POTED: variants seen among roughly 807,000 people sequenced by gnomAD.
POTED encodes the protein POTE ankyrin domain family member D.
POTED carries 7 observed loss-of-function variants against 19.0 expected under a neutral mutation model. That is an observed-to-expected ratio of 0.37 (90% CI 0.21 to 0.69). The LOEUF is 0.69. Among genes scored for constraint, POTED ranks in the 30% least tolerant of loss-of-function variants. POTED has a pLI of 0.56. For synonymous variants in POTED, 16 were observed against 92.0 expected, an observed-to-expected ratio of 0.17 and a Z score of 4.73; for missense variants, 54 against 278.5, an observed-to-expected ratio of 0.19 and a Z score of 5.74.
intron 10 of POTED, among the ~76,000 whole-genome samples, chr21:13,640,582 C>A (rs2123224515): frequency 1.3e-5 from 1 of 75,092 alleles, no homozygotes; most frequent in Admixed American, 1.2e-4. Context: ...TGGAGTCTTG[C>A]ACTGTCACCC....
rs534623799 is a variant in POTED at position 13,637,086 on chromosome 21, G to A, written c.1410-2429G>A. Among the ~76,000 whole-genome samples, 2 of 62,700 alleles carry A rather than the reference G, an allele frequency of 3.2e-5. 1 individual carries two copies. Among genetic ancestry groups the A allele is most frequent in the Non-Finnish European group, 5.2e-5 (2 of 38,156 alleles). The allele number at this position is 62,700 out of a possible 152,430, so 41.1% of individuals were successfully genotyped here. A position where few individuals can be genotyped will look rare whatever the true frequency, so the allele number is the denominator to read the frequency against. On this transcript the variant is annotated intron_variant, in intron 9 of 10. Coordinates refer to ENST00000299443, the MANE Select transcript of POTED (RefSeq NM_174981.6). The stretch of plus-strand genomic sequence containing the variant: ...TATCTTTGCATATGTGAATTGTGCT[G>A]CAGTAAACATATGTATATAGGTGTC...
chr21:13,645,105 C>A lies in POTED; in HGVS notation c.*3539C>A, dbSNP rs8131522. On this transcript the variant is annotated 3_prime_UTR_variant, in exon 11 of 11. Transcript: ENST00000299443. ...GAGATATATGGGATTATATAAACGA[C>A]CAAATCTATGACTGATTAATGTACC... Among the ~76,000 whole-genome samples the A allele has an allele frequency of 2.3e-5, 3 of 127,778 alleles. No individual in the cohort carries two copies. The highest frequency in any genetic ancestry group is 2.2e-4 in the Admixed American group (3 of 13,390). The allele number at this position is 127,778 out of a possible 152,430, so 83.8% of individuals were successfully genotyped here.
In POTED at chr21:13,637,004, A is replaced by T. The variant is rs868401681; in HGVS notation, c.1410-2511A>T. Among the ~76,000 whole-genome samples the T allele has an allele frequency of 3.6e-4, 6 of 16,460 alleles. 1 individual carries two copies. The highest frequency in any genetic ancestry group is 1.5e-3 in the Admixed American group (2 of 1,348). 10.8% of individuals were successfully genotyped at this position (16,460 alleles called of 152,430 possible). A position where few individuals can be genotyped will look rare whatever the true frequency, so the allele number is the denominator to read the frequency against. ...TACCCAGTCTCAGGTATATATATAT[A>T]TTTTTTTTTTTTTTTCTTTATTCCA... On this transcript the variant is annotated intron_variant, in intron 9 of 10. Coordinates refer to ENST00000299443, the MANE Select transcript of POTED (RefSeq NM_174981.6).
intron 9 of POTED, among the ~76,000 whole-genome samples, chr21:13,637,006 T>A (rs35147763): frequency 0.11 from 1,134 of 9,972 alleles, 427 homozygotes; most frequent in East Asian, 0.33. Flanking sequence ...ATATATATAT[T>A]TTTTTTTTTT....
In POTED at chr21:13,634,498, A is replaced by G. The variant is rs1199333321; in HGVS notation, c.1409+3391A>G. 2.4e-5 allele frequency among the ~76,000 whole-genome samples: 2 copies of G among 81,690 alleles called. 1 individual carries two copies. The highest frequency in any genetic ancestry group is 4.3e-5 in the Non-Finnish European group (2 of 46,212). 53.6% of individuals were successfully genotyped at this position (81,690 alleles called of 152,430 possible). A position where few individuals can be genotyped will look rare whatever the true frequency, so the allele number is the denominator to read the frequency against. ...TTATCTCCCTTGCTCTGCTTCAGCC[A>G]CACTGAATTCTTGCCATCCCTTATC... On this transcript the variant is annotated intron_variant, in intron 9 of 10. Transcript: ENST00000299443.
At position 13,609,977 on chromosome 21, in the gene POTED, C is replaced by T. The variant is rs182475766; in HGVS notation, c.-252C>T. 3.3e-6 allele frequency: 1 copy of T among 306,382 alleles called. No homozygotes were observed. The highest frequency in any genetic ancestry group is 5.0e-6 in the Non-Finnish European group (1 of 198,930). The allele number at this position is 306,382 out of a possible 1,614,324, so 19.0% of individuals were successfully genotyped here. On this transcript the variant is annotated 5_prime_UTR_variant, in exon 1 of 11. Coordinates refer to ENST00000299443, the MANE Select transcript of POTED (RefSeq NM_174981.6). The stretch of plus-strand genomic sequence containing the variant: ...CCTTGACTGGGCTGGGTGTTTCCTT[C>T]GGAGGGGGGGCTTGGCCTTTCCTGG...
intron 9 of POTED, among the ~76,000 whole-genome samples, chr21:13,636,790 C>G (rs1293091166): frequency 3.1e-5 from 2 of 64,432 alleles, no homozygotes; most frequent in Non-Finnish European, 5.1e-5. Context: ...ATGCTGTTCT[C>G]GTGATAGTGA....
chr21:13,644,625 G>T lies in POTED; in HGVS notation c.*3059G>T. 2 of 21,322 alleles carry T rather than the reference G, an allele frequency of 9.4e-5. 1 individual carries two copies. The allele number at this position is 21,322 out of a possible 1,614,324, so 1.3% of individuals were successfully genotyped here. On this transcript the variant is annotated 3_prime_UTR_variant, in exon 11 of 11. Transcript: ENST00000299443. The stretch of plus-strand genomic sequence containing the variant: ...CTGAAATGATACAAGCAGAGTTCAG[G>T]ATATGGGTAGGAACAAAGTTCATTG...
chr21:13,636,614 T>C (rs1601488180), intron 9 of POTED, among the ~76,000 whole-genome samples: 1 of 79,138 alleles, frequency 1.3e-5, no homozygotes, highest in Non-Finnish European at 2.2e-5. Flanking sequence ...AATTGCTATC[T>C]TTGAAATATA....
chr21:13,639,800 A>C lies in POTED; in HGVS notation c.1533+162A>C, dbSNP rs556272945. On this transcript the variant is annotated intron_variant, in intron 10 of 10. Coordinates refer to ENST00000299443, the MANE Select transcript of POTED (RefSeq NM_174981.6). ...TATATATACACACACACACACACAC[A>C]CCCTGTATATCCTTGGTCATATATT... is the stretch of plus-strand genomic sequence containing the variant. Among the ~76,000 whole-genome samples the C allele has an allele frequency of 2.8e-4, 21 of 75,756 alleles. 6 individuals are homozygous for C. Among genetic ancestry groups the C allele is most frequent in the South Asian group, 1.5e-3 (4 of 2,634 alleles). The allele number at this position is 75,756 out of a possible 152,430, so 49.7% of individuals were successfully genotyped here. A position where few individuals can be genotyped will look rare whatever the true frequency, so the allele number is the denominator to read the frequency against.
intron 10 of POTED, 141 bp downstream of exon 10, chr21:13,639,779 TATAC>T (rs2011257264): frequency 2.4e-6 from 1 of 424,392 alleles, no homozygotes; most frequent in South Asian, 3.0e-5. Flanking sequence ...TGTGTATATA[TATAC>T]ACACACACAC....
rs754919791 is a variant in POTED, at chr21:13,610,634, C to T, written c.406C>T (p.Arg136Cys). The part of the protein sequence containing the change: ...SAFMEPRYHI[R>C]REDLDKLHRA... Reference sequence around the variant, plus strand: ...CTTCATGGAGCCGAGGTACCACATCCGTCGAGAAGATCTGGACAAGCTCCA... The same window carrying T: ...CTTCATGGAGCCGAGGTACCACATCTGTCGAGAAGATCTGGACAAGCTCCA... Residue 136 changes from arginine (R) to cysteine (C), a missense_variant, in exon 1 of 11, where the codon CGT (arginine) becomes TGT (cysteine). Transcript: ENST00000299443. 5.6e-6 allele frequency: 6 copies of T among 1,076,870 alleles called. 2 individuals carry two copies. Among genetic ancestry groups the T allele is most frequent in the Non-Finnish European group, 7.2e-6 (6 of 832,482 alleles). 66.7% of individuals were successfully genotyped at this position (1,076,870 alleles called of 1,614,324 possible).
intron 8 of POTED, 136 bp from the exon 9 acceptor site, chr21:13,630,805 T>C: frequency 6.6e-6 from 1 of 151,276 alleles, no homozygotes; most frequent in South Asian, 1.0e-4. Flanking sequence ...TAGTTCTGTA[T>C]ATATGATCAA....
rs1389996706 is a variant in POTED, at chr21:13,611,509, TA to T, written c.521+761del. ...AATAGGAAATCCAGAAATACCCAAA[TA>T]TATGTAAGAATTTAGCACTTGATAA... On this transcript the variant is annotated intron_variant, in intron 1 of 10. Coordinates refer to ENST00000299443, the MANE Select transcript of POTED (RefSeq NM_174981.6). Among the ~76,000 whole-genome samples, 5 of 59,392 alleles carry T rather than the reference TA, an allele frequency of 8.4e-5. 2 individuals carry two copies. The highest frequency in any genetic ancestry group is 1.4e-4 in the Non-Finnish European group (5 of 35,746). 39.0% of individuals were successfully genotyped at this position (59,392 alleles called of 152,430 possible).
Position 13,637,257 on chromosome 21 carries a change from C to T in POTED, c.1410-2258C>T, listed in dbSNP as rs1358055613. Among the ~76,000 whole-genome samples, 2 of 74,606 alleles carry T rather than the reference C, an allele frequency of 2.7e-5. 1 individual carries two copies. Among genetic ancestry groups the T allele is most frequent in the Non-Finnish European group, 4.6e-5 (2 of 43,674 alleles). 48.9% of individuals were successfully genotyped at this position (74,606 alleles called of 152,430 possible). On this transcript the variant is annotated intron_variant, in intron 9 of 10. Coordinates refer to ENST00000299443, the MANE Select transcript of POTED (RefSeq NM_174981.6). The stretch of plus-strand genomic sequence containing the variant: ...TTGTATCCCCACCAGCAGTGTATAA[C>T]TCTTTTTTCACCACATCCACACCAA...
At position 13,643,399 on chromosome 21, in the gene POTED, C is replaced by T. The variant is rs2011288282; in HGVS notation, c.*1833C>T. 2.6e-5 allele frequency among the ~76,000 whole-genome samples: 2 copies of T among 76,632 alleles called. 1 individual carries two copies. Among genetic ancestry groups the T allele is most frequent in the Non-Finnish European group, 4.6e-5 (2 of 43,758 alleles). 50.3% of individuals were successfully genotyped at this position (76,632 alleles called of 152,430 possible). Reference sequence around the variant, plus strand: ...CTGAGGTCAGACCAGCCCCATCTCACATGCAGGATTGCCCAGCACAGATCA... The same window carrying T: ...CTGAGGTCAGACCAGCCCCATCTCATATGCAGGATTGCCCAGCACAGATCA... On this transcript the variant is annotated 3_prime_UTR_variant, in exon 11 of 11. Transcript: ENST00000299443.
rs913241689 is a variant in POTED, at chr21:13,627,352, A to C, written c.1127-1030A>C. Among the ~76,000 whole-genome samples the C allele has an allele frequency of 1.9e-4, 8 of 43,174 alleles. 2 individuals carry two copies. Among genetic ancestry groups the C allele is most frequent in the Non-Finnish European group, 3.1e-4 (8 of 25,458 alleles). The allele number at this position is 43,174 out of a possible 152,430, so 28.3% of individuals were successfully genotyped here. On this transcript the variant is annotated intron_variant, in intron 6 of 10. Transcript: ENST00000299443. ...CAGCTTCTCAGGAGAATGAGACAGA[A>C]GAATCATTTGAACCAGGGAGTCAGA...
At position 13,642,499 on chromosome 21, in the gene POTED, C is replaced by T; in HGVS notation, c.*933C>T. 2.6e-5 allele frequency among the ~76,000 whole-genome samples: 2 copies of T among 77,268 alleles called. 1 individual carries two copies. Among genetic ancestry groups the T allele is most frequent in the Non-Finnish European group, 4.5e-5 (2 of 44,002 alleles). 50.7% of individuals were successfully genotyped at this position (77,268 alleles called of 152,430 possible). On this transcript the variant is annotated 3_prime_UTR_variant, in exon 11 of 11. Coordinates refer to ENST00000299443, the MANE Select transcript of POTED (RefSeq NM_174981.6). ...CTCAGCCAGTTCAGTCTTAGAGTTT[C>T]AGAGTGTCTGAGGAGACCAGGGGCT...
Position 13,644,507 on chromosome 21 carries a change from C to CT in POTED, c.*2942dup, listed in dbSNP as rs1164016252. 3.0e-5 allele frequency among the ~76,000 whole-genome samples: 2 copies of CT among 67,252 alleles called. 1 individual carries two copies. The highest frequency in any genetic ancestry group is 5.0e-5 in the Non-Finnish European group (2 of 39,628). The allele number at this position is 67,252 out of a possible 152,430, so 44.1% of individuals were successfully genotyped here. On this transcript the variant is annotated 3_prime_UTR_variant, in exon 11 of 11. Transcript: ENST00000299443. The stretch of plus-strand genomic sequence containing the variant: ...GAGAAAAAGACTCTGTGCAAGAACA[C>CT]TAAAAACTCAAAAATTCAGCATGCC...
Sources: gnomAD v4.1 joint callset for allele counts (sites outside exome capture counted in the v4.1 genomes callset) on GRCh38, gnomAD v4.1.1 for gene constraint, MANE v1.5 for transcripts, NCBI Gene and HGNC (gene_info 2026-07-23, HGNC 2026-07-21) for gene names.